BCAS3: variants seen among roughly 807,000 people sequenced by gnomAD.
The protein encoded by BCAS3 is BCAS3 microtubule associated cell migration factor.
In BCAS3, 53 loss-of-function variants were observed where a neutral mutation model predicts 116.1. The ratio of observed to expected loss-of-function variants is 0.46; its 90% CI spans 0.37 to 0.57. BCAS3 has a LOEUF of 0.57. BCAS3 is among the 20% of genes least tolerant of loss of function. BCAS3 has a pLI of 0.00. For synonymous variants in BCAS3, 391 were observed against 408.2 expected, an observed-to-expected ratio of 0.96 and a Z score of 0.51; for missense variants, 917 against 1,165.4, an observed-to-expected ratio of 0.79 and a Z score of 3.10.
intron 22 of BCAS3, among the ~76,000 whole-genome samples, chr17:61,177,675 G>C (rs2079224477): frequency 1.3e-5 from 2 of 152,110 alleles, no homozygotes; most frequent in Non-Finnish European, 2.9e-5. Context: ...ACTTGTAAAT[G>C]GTGCACTTTA....
intron 7 of BCAS3, chr17:60,851,308 C>A: frequency 3.3e-6 from 1 of 307,258 alleles, no homozygotes; most frequent in Non-Finnish European, 6.6e-6. Context: ...AGCAGCCAGG[C>A]AGCCCAGCTT....
At chr17:60,916,271 G>A (rs955407325) in intron 12 of BCAS3, among the ~76,000 whole-genome samples, 3 of 152,166 alleles carry the variant, frequency 2.0e-5, no homozygotes. Flanking sequence ...CTGTATGATA[G>A]ACAGCAGATT....
intron 14 of BCAS3, among the ~76,000 whole-genome samples, chr17:60,969,718 A>G (rs1441228658): frequency 1.3e-5 from 2 of 152,346 alleles, no homozygotes; most frequent in South Asian, 2.1e-4. Context: ...AACAAAAACC[A>G]TGTCAAAGGA....
At chr17:60,834,827 A>C (rs796552808) in intron 7 of BCAS3, among the ~76,000 whole-genome samples, 6 of 152,076 alleles carry the variant, frequency 3.9e-5, no homozygotes, top group African/African-American at 1.4e-4. Context: ...TTTTAGGGAA[A>C]TAAATCCCGG....
At position 60,962,303 on chromosome 17, in the gene BCAS3, C is replaced by G. The variant is rs560352511; in HGVS notation, c.1221+14951C>G. Among the ~76,000 whole-genome samples, 1 of 152,278 alleles carries G rather than the reference C, an allele frequency of 6.6e-6. No individual in the cohort carries two copies. Among genetic ancestry groups the G allele is most frequent in the South Asian group, 2.1e-4 (1 of 4,826 alleles). ...CTGCACTAATTTACATTTCCACCAGCAGTGTGCAAGGGTCTCTTCTCCACA... is the reference window on the plus strand; with the variant it reads ...CTGCACTAATTTACATTTCCACCAGGAGTGTGCAAGGGTCTCTTCTCCACA... On this transcript the variant is annotated intron_variant, in intron 14 of 23. Transcript: ENST00000407086. The surrounding 1 kb of genome is among the most constrained non-coding windows in gnomAD (Gnocchi z 4.4).
intron 7 of BCAS3, among the ~76,000 whole-genome samples, chr17:60,864,311 A>C (rs1433787362): frequency 6.6e-6 from 1 of 152,250 alleles, no homozygotes; most frequent in East Asian, 1.9e-4. Flanking sequence ...GAGGTCGATT[A>C]AACTGCCATT....
chr17:60,726,204 A>ATTTT (rs111326766), intron 5 of BCAS3, among the ~76,000 whole-genome samples: 5 of 109,538 alleles, frequency 4.6e-5, no homozygotes, highest in African/African-American at 1.0e-4. Context: ...CAGAGGGAGG[A>ATTTT]TTTTTTTTTT....
In BCAS3 at chr17:60,712,164, C is replaced by CAAAACAAAAACAAAAACA. The variant is rs149887243; in HGVS notation, c.321+2846_321+2863dup. 2.7e-3 allele frequency among the ~76,000 whole-genome samples: 399 copies of CAAAACAAAAACAAAAACA among 145,850 alleles called. 1 individual carries two copies. Among genetic ancestry groups the CAAAACAAAAACAAAAACA allele is most frequent in the African/African-American group, 9.6e-3 (377 of 39,394 alleles). ...TGGGTGACAGAGTGAGACTCTGTCTCAAAACAAAAACAAAAACAAAAACAC... is the reference window on the plus strand; with the variant it reads ...TGGGTGACAGAGTGAGACTCTGTCTCAAAACAAAAACAAAAACAAAAACAAAAACAAAAACAAAAACAC... On this transcript the variant is annotated intron_variant, in intron 5 of 23. Coordinates refer to ENST00000407086, the MANE Select transcript of BCAS3 (RefSeq NM_017679.5).
intron 4 of BCAS3, among the ~76,000 whole-genome samples, chr17:60,705,528 AAAG>A (rs1281649755): frequency 2.6e-5 from 4 of 151,152 alleles, no homozygotes; most frequent in Admixed American, 1.3e-4. Context: ...AAAAAAAAAA[AAAG>A]AAAAGAAAAT....
chr17:61,045,859 ATATAT>A (rs1347473870), intron 19 of BCAS3, among the ~76,000 whole-genome samples: 1 of 1,620 alleles, frequency 6.2e-4, no homozygotes, highest in Non-Finnish European at 1.0e-3. Flanking sequence ...CTATATATAT[ATATAT>A]AAATATATAT....
chr17:61,351,231 C>T (rs1444231968), intron 22 of BCAS3, among the ~76,000 whole-genome samples: 2 of 152,170 alleles, frequency 1.3e-5, no homozygotes, highest in South Asian at 2.1e-4. Context: ...TTGAGTATCT[C>T]GTGCAATATT....
intron 13 of BCAS3, among the ~76,000 whole-genome samples, chr17:60,928,104 T>G (rs117865737): frequency 6.7e-4 from 102 of 152,334 alleles, no homozygotes; most frequent in Non-Finnish European, 1.2e-3. Flanking sequence ...TCACCTTGTC[T>G]GGCTAAGTCT....
chr17:60,685,599 C>T (rs766795970), intron 3 of BCAS3, among the ~76,000 whole-genome samples: 1 of 151,980 alleles, frequency 6.6e-6, no homozygotes, highest in East Asian at 1.9e-4. Flanking sequence ...TCATCTTATT[C>T]GTCATGGGTT....
chr17:61,228,301 T>C lies in BCAS3; in HGVS notation c.2426-140026T>C, dbSNP rs1052250266. ...CGACTATAGACACATCAAAATCTAT[T>C]ACCAGAAAAGTTGCCTTACCAGGAA... On this transcript the variant is annotated intron_variant, in intron 22 of 23. Coordinates refer to ENST00000407086, the MANE Select transcript of BCAS3 (RefSeq NM_017679.5). This position sits in a 1 kb window ranked among gnomAD's most constrained non-coding sequence, Gnocchi z 5.0. Among the ~76,000 whole-genome samples, 2 of 151,490 alleles carry C rather than the reference T, an allele frequency of 1.3e-5. No individual in the cohort carries two copies. Among genetic ancestry groups the C allele is most frequent in the Non-Finnish European group, 2.9e-5 (2 of 68,044 alleles).
chr17:60,949,529 G>C (rs1177827786), intron 14 of BCAS3, among the ~76,000 whole-genome samples: 1 of 152,144 alleles, frequency 6.6e-6, no homozygotes, highest in South Asian at 2.1e-4. Flanking sequence ...TCCTGCCTCA[G>C]CCTCCCAACG....
chr17:61,108,918 C>T (rs547509178), intron 22 of BCAS3, among the ~76,000 whole-genome samples: 26 of 152,000 alleles, frequency 1.7e-4, no homozygotes, highest in Non-Finnish European at 1.5e-4. Context: ...CTGGGCACGG[C>T]GGCTCATGCC....
intron 22 of BCAS3, among the ~76,000 whole-genome samples, chr17:61,153,929 A>G (rs1957908152): frequency 6.6e-6 from 1 of 152,224 alleles, no homozygotes; most frequent in Non-Finnish European, 1.5e-5. Flanking sequence ...GGAATAATTC[A>G]TGTTCTGACA....
At chr17:61,329,403 C>T (rs895574637) in intron 22 of BCAS3, among the ~76,000 whole-genome samples, 9 of 149,448 alleles carry the variant, frequency 6.0e-5, no homozygotes, top group East Asian at 6.0e-4. Context: ...TGCAGTGGCG[C>T]GATCTCGGCT....
chr17:61,035,144 T>A (rs907233441), intron 17 of BCAS3, among the ~76,000 whole-genome samples: 1 of 152,174 alleles, frequency 6.6e-6, no homozygotes, highest in African/African-American at 2.4e-5. Context: ...TCATTGTCCC[T>A]GTTTTAGAGA....
Sources: gnomAD v4.1 joint callset for allele counts (sites outside exome capture counted in the v4.1 genomes callset) on GRCh38, gnomAD v4.1.1 for gene constraint, Gnocchi (gnomAD v3.1) non-coding constraint, MANE v1.5 for transcripts, NCBI Gene and HGNC (gene_info 2026-07-23, HGNC 2026-07-21) for gene names.